Variants in SP4 observed in about 807,000 individuals in gnomAD.
SP4 encodes transcription factor Sp4.
Under a neutral mutation model 72.8 loss-of-function variants are expected in SP4, and 19 were observed. The observed-to-expected ratio is 0.26, with a 90% CI of 0.18 to 0.38. The LOEUF (loss-of-function observed/expected upper bound fraction) is 0.38, where lower values mean the gene tolerates loss of function less well. Ranked by LOEUF, SP4 falls within the 10% of genes least tolerant of loss-of-function variation. The pLI is 1.00. For synonymous variants in SP4, 395 were observed against 333.1 expected (o/e 1.19, Z -2.02); for missense variants, 1,008 against 926.3 (o/e 1.09, Z -1.14).
chr7:21,497,877 C>T (rs1781762715), intron 5 of SP4, among the ~76,000 whole-genome samples: 1 of 152,170 alleles, frequency 6.6e-6, no homozygotes, highest in Non-Finnish European at 1.5e-5. Flanking sequence ...ACTCATTATG[C>T]AGATTGGTGT....
chr7:21,446,123 A>G (rs1342206411), intron 3 of SP4, among the ~76,000 whole-genome samples: 1 of 151,618 alleles, frequency 6.6e-6, no homozygotes, highest in Non-Finnish European at 1.5e-5. Context: ...ACATTCAGGG[A>G]AAACTTAAAG....
In SP4 at chr7:21,428,194, A is replaced by ACCCCCACCCC; in HGVS notation, c.-49_-48insCCCCCCACCC. The ACCCCCACCCC allele has an allele frequency of 4.0e-6, 1 of 248,668 alleles. No homozygotes were observed. Among genetic ancestry groups the ACCCCCACCCC allele is most frequent in the East Asian group, 1.4e-4 (1 of 7,240 alleles). The allele number at this position is 248,668 out of a possible 1,614,324, so 15.4% of individuals were successfully genotyped here. A position where few individuals can be genotyped will look rare whatever the true frequency, so the allele number is the denominator to read the frequency against. ...CGGCCTCTCCTCCCGCCTCGCCCCC[A>ACCCCCACCCC]CCCCCACCCACCTCTATCCCAGTGT... On this transcript the variant is annotated 5_prime_UTR_variant, in exon 1 of 6. Transcript: ENST00000222584.
At chr7:21,457,389 A>G (rs1300550421) in intron 3 of SP4, among the ~76,000 whole-genome samples, 2 of 152,174 alleles carry the variant, frequency 1.3e-5, no homozygotes, top group Non-Finnish European at 1.5e-5. Context: ...TAGTGCTATC[A>G]TCTTCGCTTC....
At chr7:21,449,863 T>G (rs894783874) in intron 3 of SP4, among the ~76,000 whole-genome samples, 3 of 152,194 alleles carry the variant, frequency 2.0e-5, no homozygotes, top group Admixed American at 2.0e-4. Context: ...GGCAAGTCTT[T>G]TCTTCTTGCC....
intron 4 of SP4, among the ~76,000 whole-genome samples, chr7:21,480,434 T>C (rs1047989776): frequency 6.6e-6 from 1 of 152,198 alleles, no homozygotes; most frequent in African/African-American, 2.4e-5. Flanking sequence ...TGATTATTTG[T>C]TCTTGAGTCA....
At chr7:21,484,636 T>A (rs1784766639) in intron 5 of SP4, among the ~76,000 whole-genome samples, 1 of 151,938 alleles carries the variant, frequency 6.6e-6, no homozygotes, top group Non-Finnish European at 1.5e-5. Context: ...TTGATATCTG[T>A]TTTAGAAAAA....
chr7:21,464,296 C>T (rs1485606885), intron 3 of SP4, among the ~76,000 whole-genome samples: 1 of 151,864 alleles, frequency 6.6e-6, no homozygotes, highest in African/African-American at 2.4e-5. Context: ...CAGGGTTTCA[C>T]TGTGTTAGCC....
At chr7:21,470,243 G>T (rs1326494742) in intron 3 of SP4, among the ~76,000 whole-genome samples, 3 of 152,202 alleles carry the variant, frequency 2.0e-5, no homozygotes, top group Non-Finnish European at 4.4e-5. Context: ...CTTTCAGTGT[G>T]TCAGGAACCT....
At chr7:21,465,003 T>G (rs956614370) in intron 3 of SP4, among the ~76,000 whole-genome samples, 2 of 152,244 alleles carry the variant, frequency 1.3e-5, no homozygotes, top group South Asian at 2.1e-4. Context: ...TAGAAAATTT[T>G]TTTTGTTTTG....
intron 5 of SP4, among the ~76,000 whole-genome samples, chr7:21,500,442 G>A (rs1175699269): frequency 2.0e-5 from 3 of 152,180 alleles, no homozygotes; most frequent in Admixed American, 2.0e-4. Flanking sequence ...AGGAGTTCAA[G>A]GGGCCTCAGC....
intron 5 of SP4, 64 bp downstream of exon 5, chr7:21,482,187 T>TG (rs1330039322): frequency 1.5e-6 from 2 of 1,323,718 alleles, no homozygotes; most frequent in Admixed American, 3.7e-5. Flanking sequence ...AAAATTTTAG[T>TG]GATAGTTTAG....
At chr7:21,457,538 A>G (rs138056739) in intron 3 of SP4, among the ~76,000 whole-genome samples, 98 of 152,296 alleles carry the variant, frequency 6.4e-4, no homozygotes, top group African/African-American at 2.1e-3. Context: ...AGTTTTTACT[A>G]TATCTAGAAA....
chr7:21,508,892 T>A (rs1782076132), intron 5 of SP4, among the ~76,000 whole-genome samples: 1 of 151,416 alleles, frequency 6.6e-6, no homozygotes. Context: ...GCCTCAACAT[T>A]TGCATTACAT....
At chr7:21,436,301 A>G (rs137972847) in intron 3 of SP4, among the ~76,000 whole-genome samples, 2 of 152,294 alleles carry the variant, frequency 1.3e-5, no homozygotes, top group Non-Finnish European at 2.9e-5. Flanking sequence ...GGTTGAGGAT[A>G]TTGGGGCAGG....
At chr7:21,467,119 T>G (rs1784190678) in intron 3 of SP4, among the ~76,000 whole-genome samples, 1 of 152,178 alleles carries the variant, frequency 6.6e-6, no homozygotes. Context: ...TCTTTGTTTT[T>G]GGGGTCTGTT....
chr7:21,442,779 A>G (rs2390534), intron 3 of SP4, among the ~76,000 whole-genome samples: 86,182 of 152,186 alleles, frequency 0.57, 25,040 homozygotes, highest in Middle Eastern at 0.71. Flanking sequence ...TCTGTCGCCT[A>G]GGCTAGAGTG....
rs1325906209 is a variant in SP4, at chr7:21,513,774, T to C, written c.*2505T>C. 6.6e-6 allele frequency: 1 copy of C among 152,214 alleles called. No individual in the cohort carries two copies. Among genetic ancestry groups the C allele is most frequent in the African/African-American group, 2.4e-5 (1 of 41,464 alleles). The allele number at this position is 152,214 out of a possible 1,614,324, so 9.4% of individuals were successfully genotyped here. On this transcript the variant is annotated 3_prime_UTR_variant, in exon 6 of 6. Transcript: ENST00000222584. ...TCAACAATGAGGCCTATTATAAATTTATCAGATGAATCTAGATAGCTTTAT... is the reference window on the plus strand; with the variant it reads ...TCAACAATGAGGCCTATTATAAATTCATCAGATGAATCTAGATAGCTTTAT...
chr7:21,435,374 A>G (rs778334159), intron 3 of SP4, among the ~76,000 whole-genome samples: 2 of 152,200 alleles, frequency 1.3e-5, no homozygotes, highest in East Asian at 1.9e-4. Context: ...GGGAGGACCA[A>G]TTCTTCATTA....
chr7:21,465,951 C>T (rs1446335873), intron 3 of SP4, among the ~76,000 whole-genome samples: 1 of 152,146 alleles, frequency 6.6e-6, no homozygotes, highest in Non-Finnish European at 1.5e-5. Context: ...CTTTAATCTC[C>T]AGTGGTATGC....
Sources: allele counts gnomAD v4.1 joint callset (sites outside exome capture counted in the v4.1 genomes callset), GRCh38; gene constraint gnomAD v4.1.1; transcripts MANE v1.5; gene names NCBI Gene and HGNC (gene_info 2026-07-23, HGNC 2026-07-21).